METAP1: variants seen among roughly 807,000 people sequenced by gnomAD.
METAP1 encodes methionyl aminopeptidase 1.
A neutral mutation model predicts 53.8 loss-of-function variants in METAP1; 28 were observed. That is an observed-to-expected ratio of 0.52 (90% CI 0.39 to 0.71). The LOEUF (loss-of-function observed/expected upper bound fraction) is 0.71, where lower values mean the gene tolerates loss of function less well. Ranked by LOEUF, METAP1 falls within the 30% of genes least tolerant of loss-of-function variation. METAP1 has a pLI of 0.00. For missense variants in METAP1, 389 were observed against 479.8 expected, an observed-to-expected ratio of 0.81 and a Z score of 1.77; for synonymous variants, 181 against 165.7, an observed-to-expected ratio of 1.09 and a Z score of -0.71.
At chr4:98,999,977 T>G (rs80140476) in intron 1 of METAP1, among the ~76,000 whole-genome samples, 3,125 of 152,300 alleles carry the variant, frequency 0.021, 103 homozygotes, top group African/African-American at 0.069. Flanking sequence ...TGTGTAAGAA[T>G]TTTTTGAGGA....
In METAP1 at chr4:99,022,010, C is replaced by T. The variant is rs368561068; in HGVS notation, c.115-6857C>T. Among the ~76,000 whole-genome samples the T allele has an allele frequency of 6.6e-5, 10 of 152,192 alleles. No individual in the cohort carries two copies. In the East Asian group the frequency reaches 1.9e-3, roughly 29 times the overall value. On this transcript the variant is annotated intron_variant, in intron 1 of 10. Transcript: ENST00000296411. ...GAACTTCTTCATGCCTTACAAGGCC[C>T]TTCCTGGGGGCAGGAAGTGAGATTC...
intron 9 of METAP1, among the ~76,000 whole-genome samples, chr4:99,052,623 A>G (rs1441204010): frequency 6.6e-6 from 1 of 152,208 alleles, no homozygotes. Flanking sequence ...CTCTGCGCCC[A>G]GGATCCAGTC....
intron 1 of METAP1, among the ~76,000 whole-genome samples, chr4:99,007,157 A>T (rs1302151762): frequency 6.6e-6 from 1 of 151,732 alleles, no homozygotes; most frequent in Non-Finnish European, 1.5e-5. Flanking sequence ...AGATCTCCCT[A>T]TGTTGCCCGG....
chr4:99,012,494 C>G (rs777650362), intron 1 of METAP1, among the ~76,000 whole-genome samples: 2 of 151,832 alleles, frequency 1.3e-5, no homozygotes, highest in African/African-American at 2.4e-5. Flanking sequence ...AGGCTAGTCT[C>G]GAACTGCTGA....
rs964772489 is a variant in METAP1, at chr4:99,035,412, C to G, written c.292C>G (p.Pro98Ala). 1 of 1,547,546 alleles carries G rather than the reference C, an allele frequency of 6.5e-7. No homozygotes were observed. Among genetic ancestry groups the G allele is most frequent in the Non-Finnish European group, 8.7e-7 (1 of 1,143,580 alleles). ...ACTTTGTTTTTAGATGCCAACAAGG[C>G]CAGTGCCAAGTTATATTCAAAGACC... ...RPHYPLMPTR[P>A]VPSYIQRPDY... The change falls in exon 4 of 11, where the codon CCA (proline) becomes GCA (alanine). Residue 98 changes from proline to alanine, a missense_variant. Coordinates refer to ENST00000296411, the MANE Select transcript of METAP1 (RefSeq NM_015143.3).
intron 1 of METAP1, among the ~76,000 whole-genome samples, chr4:98,999,677 A>AT (rs534623290): frequency 1.4e-3 from 217 of 150,020 alleles, no homozygotes; most frequent in African/African-American, 5.2e-3. Flanking sequence ...CGCCTGGCTA[A>AT]TTTTTTTGTA....
intron 8 of METAP1, among the ~76,000 whole-genome samples, chr4:99,047,738 A>G (rs1579321332): frequency 1.3e-5 from 2 of 152,314 alleles, no homozygotes; most frequent in Admixed American, 6.5e-5. Flanking sequence ...GAGGTTCTCT[A>G]GGAGTCTGAC....
intron 1 of METAP1, chr4:99,022,411 T>C (rs924338802): frequency 4.1e-6 from 3 of 729,482 alleles, no homozygotes; most frequent in Non-Finnish European, 6.4e-6. Context: ...GGCCTTGTCC[T>C]AGGCAGTTGC....
intron 1 of METAP1, chr4:99,025,230 C>A: frequency 2.7e-6 from 1 of 367,488 alleles, no homozygotes; most frequent in Non-Finnish European, 3.8e-6. Flanking sequence ...GTTAGTTTGG[C>A]CTGTGCCCAG....
intron 1 of METAP1, among the ~76,000 whole-genome samples, chr4:99,015,835 TAGTG>T (rs1190528703): frequency 2.0e-5 from 3 of 152,002 alleles, no homozygotes; most frequent in East Asian, 1.9e-4. Flanking sequence ...AAATGAGAGA[TAGTG>T]AGAGGAAAGA....
intron 2 of METAP1, among the ~76,000 whole-genome samples, chr4:99,031,178 C>A (rs181825612): frequency 7.0e-6 from 1 of 142,416 alleles, no homozygotes; most frequent in Non-Finnish European, 1.5e-5. Flanking sequence ...TAATTAAAAG[C>A]ACTTAATGCT....
At chr4:99,022,622 G>A in intron 1 of METAP1, 2 of 761,336 alleles carry the variant, frequency 2.6e-6, no homozygotes, top group South Asian at 1.7e-5. Flanking sequence ...ACTCTCAGGT[G>A]CTGCCTGTGT....
intron 1 of METAP1, among the ~76,000 whole-genome samples, chr4:99,004,486 C>T (rs1190838740): frequency 0.011 from 283 of 24,980 alleles, 2 homozygotes; most frequent in African/African-American, 0.043. Context: ...CACACACATA[C>T]ACACACACAC....
intron 1 of METAP1, among the ~76,000 whole-genome samples, chr4:98,996,822 G>A (rs1722656737): frequency 6.6e-6 from 1 of 152,162 alleles, no homozygotes; most frequent in Non-Finnish European, 1.5e-5. Flanking sequence ...AGTGAAGAGA[G>A]GCACATGAAT....
chr4:99,013,112 T>C (rs772717803), intron 1 of METAP1, among the ~76,000 whole-genome samples: 8 of 152,216 alleles, frequency 5.3e-5, no homozygotes, highest in Admixed American at 4.6e-4. Context: ...CTTTGACACA[T>C]TGGATTGAGA....
intron 5 of METAP1, 76 bp downstream of exon 5, chr4:99,039,541 TTATA>T: frequency 1.2e-6 from 1 of 867,454 alleles, no homozygotes; most frequent in Non-Finnish European, 1.9e-6. Context: ...GTTTGCTGAT[TTATA>T]AAGATAGCAA....
At chr4:99,039,190 C>T (rs879368297) in intron 4 of METAP1, 184 bp from the exon 5 acceptor site, 7 of 436,226 alleles carry the variant, frequency 1.6e-5, no homozygotes, top group East Asian at 3.7e-5. Context: ...GTTGGTTTAG[C>T]GAGTTTCCCT....
At chr4:99,031,527 G>A (rs1489308283) in intron 2 of METAP1, 1 of 1,288,744 alleles carries the variant, frequency 7.8e-7, no homozygotes, top group Admixed American at 2.3e-5. Flanking sequence ...GTTATGTAAT[G>A]TCTTAAACTG....
intron 1 of METAP1, among the ~76,000 whole-genome samples, chr4:99,019,497 T>C (rs1370574276): frequency 6.6e-6 from 1 of 152,208 alleles, no homozygotes; most frequent in Non-Finnish European, 1.5e-5. Context: ...ATCCTTTGTT[T>C]TAGTTTCTCT....
Sources: gnomAD v4.1 joint callset for allele counts (sites outside exome capture counted in the v4.1 genomes callset) on GRCh38, gnomAD v4.1.1 for gene constraint, MANE v1.5 for transcripts, NCBI Gene and HGNC (gene_info 2026-07-23, HGNC 2026-07-21) for gene names.